TMEM87A: variants seen among roughly 807,000 people sequenced by gnomAD.
TMEM87A encodes Golgi-pH regulating cation channel.
TMEM87A carries 50 observed loss-of-function variants against 90.0 expected under a neutral mutation model. The observed-to-expected ratio is 0.56, with a 90% CI of 0.44 to 0.70. The LOEUF (loss-of-function observed/expected upper bound fraction) is 0.70. TMEM87A is among the 30% of genes least tolerant of loss of function. The pLI is 0.00. For synonymous variants in TMEM87A, 226 were observed against 226.7 expected, an observed-to-expected ratio of 1.00 and a Z score of 0.03; for missense variants, 577 against 660.5, an observed-to-expected ratio of 0.87 and a Z score of 1.39.
At chr15:42,246,755 C>A (rs537982332) in intron 6 of TMEM87A, among the ~76,000 whole-genome samples, 2 of 152,268 alleles carry the variant, frequency 1.3e-5, no homozygotes, top group Admixed American at 6.5e-5. Context: ...AATAAACATA[C>A]GTGTGCATGT....
At chr15:42,237,974 A>G (rs1302901938) in intron 8 of TMEM87A, among the ~76,000 whole-genome samples, 1 of 150,416 alleles carries the variant, frequency 6.6e-6, no homozygotes, top group African/African-American at 2.5e-5. Context: ...CTTGTCCTCA[A>G]GAGCGAATGC....
chr15:42,258,428 C>A, intron 6 of TMEM87A: 1 of 672,418 alleles, frequency 1.5e-6, no homozygotes. Flanking sequence ...CAATGAATAT[C>A]TTTTTTCTTT....
At chr15:42,234,532 T>A (rs1466242479) in intron 10 of TMEM87A, among the ~76,000 whole-genome samples, 1 of 152,174 alleles carries the variant, frequency 6.6e-6, no homozygotes, top group East Asian at 1.9e-4. Context: ...TTTTAAGAAT[T>A]AAAATTCCCC....
intron 11 of TMEM87A, chr15:42,232,799 G>C (rs1595719105): frequency 1.3e-5 from 2 of 153,808 alleles, no homozygotes; most frequent in East Asian, 1.9e-4. Flanking sequence ...GCATTTTAAG[G>C]AAGTTTTTGA....
intron 6 of TMEM87A, chr15:42,259,027 A>G (rs1365552510): frequency 1.4e-6 from 1 of 738,076 alleles, no homozygotes; most frequent in Admixed American, 2.1e-5. Flanking sequence ...GTCTGTGTTC[A>G]CCCTATTCCC....
At chr15:42,266,030 G>A (rs556619970) in intron 3 of TMEM87A, among the ~76,000 whole-genome samples, 54 of 152,176 alleles carry the variant, frequency 3.5e-4, no homozygotes, top group African/African-American at 1.2e-3. Context: ...GTAGGTGTGC[G>A]GCCTTATTTC....
At chr15:42,219,694 T>C in intron 16 of TMEM87A, 52 bp from the exon 17 acceptor site, 3 of 1,265,622 alleles carry the variant, frequency 2.4e-6, no homozygotes, top group South Asian at 2.8e-5. Context: ...AGACCAACAA[T>C]GTTGGCAAAA....
At position 42,256,228 on chromosome 15, in the gene TMEM87A, C is replaced by T. The variant is rs1332414698; in HGVS notation, c.504+4730G>A. ...CAATCATGGCTCACTACAACCTCTG[C>T]TTCTTGGGCTCAAGTGATTCTCAGG... On this transcript the variant is annotated intron_variant, in intron 6 of 19. Transcript: ENST00000389834. Among the ~76,000 whole-genome samples, 8 of 152,292 alleles carry T rather than the reference C, an allele frequency of 5.3e-5. No individual in the cohort carries two copies. The East Asian group carries it at 1.5e-3, about 29-fold the overall frequency.
rs1050139584 is a variant in TMEM87A, at chr15:42,222,313, T to C, written c.1404-2178A>G. On this transcript the variant is annotated intron_variant, in intron 15 of 19. Coordinates refer to ENST00000389834, the MANE Select transcript of TMEM87A (RefSeq NM_015497.5). ...CTCAGGTGATCTGTCCGCTTCAGCC[T>C]CCCAAAGTGCTGGGATTATAGGCAT... Among the ~76,000 whole-genome samples the C allele has an allele frequency of 4.6e-5, 7 of 152,254 alleles. No individual in the cohort carries two copies. In the South Asian group the frequency reaches 1.5e-3, roughly 32 times the overall value.
intron 6 of TMEM87A, among the ~76,000 whole-genome samples, chr15:42,257,433 C>T (rs1483969504): frequency 6.6e-6 from 1 of 152,076 alleles, no homozygotes; most frequent in African/African-American, 2.4e-5. Flanking sequence ...CAGCCTGAAG[C>T]CCTCACTAGA....
intron 15 of TMEM87A, 51 bp downstream of exon 15, chr15:42,226,755 T>C: frequency 6.6e-7 from 1 of 1,510,290 alleles, no homozygotes; most frequent in Non-Finnish European, 9.2e-7. Context: ...CACCCCTAAT[T>C]GATGACATGG....
chr15:42,269,049 A>C (rs1157383487), intron 2 of TMEM87A, among the ~76,000 whole-genome samples: 2 of 152,184 alleles, frequency 1.3e-5, no homozygotes, highest in Non-Finnish European at 1.5e-5. Context: ...AGAGGCCTCA[A>C]GGAAGCTCAT....
chr15:42,261,914 G>T (rs1001433379), intron 4 of TMEM87A, among the ~76,000 whole-genome samples: 1 of 152,156 alleles, frequency 6.6e-6, no homozygotes, highest in African/African-American at 2.4e-5. Flanking sequence ...GACTACAGGC[G>T]TGAGCCACCG....
chr15:42,214,927 T>C (rs1237530615), intron 19 of TMEM87A, among the ~76,000 whole-genome samples: 2 of 152,164 alleles, frequency 1.3e-5, no homozygotes, highest in Non-Finnish European at 2.9e-5. Context: ...GGAGAAAATA[T>C]TTGCATACTA....
At chr15:42,263,952 C>T in intron 4 of TMEM87A, 138 bp downstream of exon 4, 2 of 640,226 alleles carry the variant, frequency 3.1e-6, no homozygotes, top group Non-Finnish European at 5.5e-6. Context: ...AAGTGGCTGA[C>T]TATGTACCTA....
upstream of TMEM87A, chr15:42,273,563 G>A: frequency 1.6e-6 from 2 of 1,267,998 alleles, no homozygotes; most frequent in East Asian, 2.6e-5. Context: ...TCGTCTGTGC[G>A]CCGTGAGACT....
chr15:42,225,308 G>GGC lies in TMEM87A; in HGVS notation c.1403+1497_1403+1498insGC, dbSNP rs371501726. ...AACCGTCTAAATGCAAATGGGGGGG[G>GGC]GGGGAAGGCATAATCACAAAATAAA... On this transcript the variant is annotated intron_variant, in intron 15 of 19. Transcript: ENST00000389834. 9.4e-4 allele frequency among the ~76,000 whole-genome samples: 143 copies of GGC among 151,798 alleles called. 1 individual carries two copies. The highest frequency in any genetic ancestry group is 3.3e-3 in the African/African-American group (135 of 41,208).
intron 6 of TMEM87A, among the ~76,000 whole-genome samples, chr15:42,247,073 G>T (rs2050990366): frequency 6.6e-6 from 1 of 152,112 alleles, no homozygotes; most frequent in East Asian, 1.9e-4. Flanking sequence ...TCATGTGTCT[G>T]TTGGCTGCAT....
intron 7 of TMEM87A, among the ~76,000 whole-genome samples, chr15:42,242,736 A>T (rs1311347263): frequency 6.6e-6 from 1 of 152,226 alleles, no homozygotes; most frequent in African/African-American, 2.4e-5. Context: ...AATCAGTACA[A>T]TTAAACTATT....
Sources: allele counts gnomAD v4.1 joint callset (sites outside exome capture counted in the v4.1 genomes callset), GRCh38; gene constraint gnomAD v4.1.1; transcripts MANE v1.5; gene names NCBI Gene and HGNC (gene_info 2026-07-23, HGNC 2026-07-21).